APBB1IP: variants seen among roughly 807,000 people sequenced by gnomAD.
The protein encoded by APBB1IP is amyloid beta precursor protein binding family B member 1 interacting protein, also known as amyloid beta A4 precursor protein-binding family B member 1-interacting protein.
A neutral mutation model predicts 64.9 loss-of-function variants in APBB1IP; 27 were observed. The ratio of observed to expected loss-of-function variants is 0.42; its 90% CI spans 0.31 to 0.57. The LOEUF (loss-of-function observed/expected upper bound fraction) is 0.57. Ranked by LOEUF, APBB1IP falls within the 20% of genes least tolerant of loss-of-function variation. APBB1IP has a pLI of 0.20. For synonymous variants in APBB1IP, 392 were observed against 331.0 expected, an observed-to-expected ratio of 1.18 and a Z score of -2.00; for missense variants, 812 against 845.5, an observed-to-expected ratio of 0.96 and a Z score of 0.49.
chr10:26,560,065 T>C, intron 11 of APBB1IP, 40 bp from the exon 12 acceptor site: 2 of 1,539,774 alleles, frequency 1.3e-6, no homozygotes, highest in African/African-American at 2.7e-5. Context: ...TCCTAATACA[T>C]GACAAGTGAA....
intron 8 of APBB1IP, among the ~76,000 whole-genome samples, chr10:26,516,242 T>A (rs1588598275): frequency 6.6e-6 from 1 of 151,980 alleles, no homozygotes; most frequent in Non-Finnish European, 1.5e-5. Context: ...TCTCCAAAGA[T>A]GAATTTGAGG....
chr10:26,544,667 A>G (rs1215846728), intron 11 of APBB1IP, among the ~76,000 whole-genome samples: 1 of 152,210 alleles, frequency 6.6e-6, no homozygotes, highest in African/African-American at 2.4e-5. Flanking sequence ...GGTCTCTGAC[A>G]AGAGGTTCCC....
At chr10:26,473,802 G>A (rs111308012) in intron 2 of APBB1IP, among the ~76,000 whole-genome samples, 6 of 152,090 alleles carry the variant, frequency 3.9e-5, no homozygotes, top group African/African-American at 1.4e-4. Context: ...AAGAGTTTGA[G>A]ACTAGCCTGT....
chr10:26,562,662 T>A (rs568943263), intron 14 of APBB1IP, among the ~76,000 whole-genome samples: 1 of 151,548 alleles, frequency 6.6e-6, no homozygotes, highest in Non-Finnish European at 1.5e-5. Context: ...CCAGGCATGG[T>A]GGCATGCACC....
intron 2 of APBB1IP, among the ~76,000 whole-genome samples, chr10:26,466,758 A>C (rs1259385211): frequency 6.6e-6 from 1 of 152,190 alleles, no homozygotes; most frequent in African/African-American, 2.4e-5. Flanking sequence ...CAACGTAGTG[A>C]GACCTCGTCC....
chr10:26,468,628 CG>C (rs1835675548), intron 2 of APBB1IP, among the ~76,000 whole-genome samples: 1 of 151,708 alleles, frequency 6.6e-6, no homozygotes, highest in East Asian at 1.9e-4. Flanking sequence ...AAAGTAATTG[CG>C]GTTTTCACAA....
intron 6 of APBB1IP, among the ~76,000 whole-genome samples, chr10:26,509,413 T>A (rs2132444057): frequency 6.6e-6 from 1 of 152,330 alleles, no homozygotes; most frequent in East Asian, 1.9e-4. Context: ...TGTTTGTGAA[T>A]GTTGGAAATA....
chr10:26,469,649 C>G (rs770866190), intron 2 of APBB1IP, among the ~76,000 whole-genome samples: 23 of 152,076 alleles, frequency 1.5e-4, no homozygotes, highest in Non-Finnish European at 3.1e-4. Flanking sequence ...AAGTTTGTCA[C>G]TGGGTATATT....
chr10:26,449,532 G>A (rs535573770), intron 2 of APBB1IP, among the ~76,000 whole-genome samples: 2 of 152,252 alleles, frequency 1.3e-5, no homozygotes, highest in South Asian at 4.1e-4. Context: ...GTTTTGTTTT[G>A]TGTGTGTGTC....
At chr10:26,545,839 A>G (rs986482994) in intron 11 of APBB1IP, among the ~76,000 whole-genome samples, 1 of 150,284 alleles carries the variant, frequency 6.7e-6, no homozygotes, top group African/African-American at 2.5e-5. Flanking sequence ...AATCCTAGCT[A>G]CTCAGGAGGC....
intron 2 of APBB1IP, among the ~76,000 whole-genome samples, chr10:26,490,823 A>AAAAAGC (rs1835946100): frequency 6.6e-6 from 1 of 152,210 alleles, no homozygotes; most frequent in Non-Finnish European, 1.5e-5. Context: ...ATATATTTTT[A>AAAAAGC]ATTTCCATAT....
At chr10:26,558,536 T>C (rs1836923209) in intron 11 of APBB1IP, among the ~76,000 whole-genome samples, 1 of 151,658 alleles carries the variant, frequency 6.6e-6, no homozygotes, top group Admixed American at 6.6e-5. Flanking sequence ...ATCCCAGCAC[T>C]TTGGGAGGCT....
At chr10:26,547,638 T>A (rs1473363461) in intron 11 of APBB1IP, among the ~76,000 whole-genome samples, 2 of 152,096 alleles carry the variant, frequency 1.3e-5, no homozygotes, top group East Asian at 3.9e-4. Flanking sequence ...AGTGATGGGG[T>A]TTCACCATGT....
At chr10:26,514,188 T>C (rs1836296721) in intron 8 of APBB1IP, among the ~76,000 whole-genome samples, 1 of 152,194 alleles carries the variant, frequency 6.6e-6, no homozygotes, top group Non-Finnish European at 1.5e-5. Context: ...AAAGAATCCA[T>C]TTTGCTTTTT....
At position 26,567,274 on chromosome 10, in the gene APBB1IP, CAG is replaced by C; in HGVS notation, c.1790_1791del (p.Glu597AlafsTer96). 8.5e-7 allele frequency: 1 copy of C among 1,178,752 alleles called. No individual in the cohort carries two copies. Among genetic ancestry groups the C allele is most frequent in the Non-Finnish European group, 1.1e-6 (1 of 951,144 alleles). 73.0% of individuals were successfully genotyped at this position (1,178,752 alleles called of 1,614,324 possible). A position where few individuals can be genotyped will look rare whatever the true frequency, so the allele number is the denominator to read the frequency against. On this transcript the variant is annotated frameshift_variant, in exon 15 of 15. Coordinates refer to ENST00000376236, the MANE Select transcript of APBB1IP (RefSeq NM_019043.4). LOFTEE classifies it low-confidence loss of function (END_TRUNC). Reference sequence around the variant, plus strand: ...CCGTCGTACGCAGGGATCGCGGGCTCAGAGCTGCCCCCGCCGCCGCCGCCGCC... The same window carrying C: ...CCGTCGTACGCAGGGATCGCGGGCTCAGCTGCCCCCGCCGCCGCCGCCGCC...
intron 11 of APBB1IP, among the ~76,000 whole-genome samples, chr10:26,546,994 A>C (rs1011825784): frequency 6.6e-6 from 1 of 152,202 alleles, no homozygotes; most frequent in Non-Finnish European, 1.5e-5. Context: ...TAATGGCTAG[A>C]CTAATTTACA....
At chr10:26,506,886 G>A (rs1232283581) in intron 6 of APBB1IP, among the ~76,000 whole-genome samples, 4 of 152,180 alleles carry the variant, frequency 2.6e-5, no homozygotes, top group African/African-American at 9.6e-5. Context: ...AACCCTACCA[G>A]CTGGAACTGG....
chr10:26,531,442 C>T (rs969724519), intron 8 of APBB1IP, among the ~76,000 whole-genome samples: 7 of 152,108 alleles, frequency 4.6e-5, no homozygotes, highest in Admixed American at 2.0e-4. Context: ...CCGAGGCAGG[C>T]GGATCACGAG....
At chr10:26,559,767 C>T (rs563204772) in intron 11 of APBB1IP, among the ~76,000 whole-genome samples, 7 of 151,778 alleles carry the variant, frequency 4.6e-5, no homozygotes, top group African/African-American at 7.2e-5. Flanking sequence ...TACAGGCACC[C>T]GCCACCATGC....
Sources: gnomAD v4.1 joint callset for allele counts (sites outside exome capture counted in the v4.1 genomes callset) on GRCh38, gnomAD v4.1.1 for gene constraint, MANE v1.5 for transcripts, NCBI Gene and HGNC (gene_info 2026-07-23, HGNC 2026-07-21) for gene names.